The following TSPOAP1 variants were observed in gnomAD, a reference collection of about 807,000 sequenced individuals.
TSPOAP1 encodes TSPO associated protein 1.
A neutral mutation model predicts 197.0 loss-of-function variants in TSPOAP1; 87 were observed. The ratio of observed to expected loss-of-function variants is 0.44; its 90% CI spans 0.37 to 0.53. The LOEUF is 0.53. TSPOAP1 is among the 20% of genes least tolerant of loss of function. TSPOAP1 has a pLI of 0.00. For synonymous variants in TSPOAP1, 913 were observed against 998.9 expected (o/e 0.91, Z 1.62); for missense variants, 2,174 against 2,411.3 (o/e 0.90, Z 2.06).
Position 58,308,569 on chromosome 17 carries a change from G to A in TSPOAP1, c.4703C>T (p.Thr1568Met), listed in dbSNP as rs139965787. 2.1e-4 allele frequency: 326 copies of A among 1,553,312 alleles called. No individual in the cohort carries two copies. The highest frequency in any genetic ancestry group is 5.5e-4 in the Middle Eastern group (3 of 5,418). ...GEPERRGRSA[T>M]GRAKEPLSRA... Reference sequence around the variant, plus strand: ...GGAGAGTGGCTCCTTGGCTCTGCCCGTCGCACTGCGGCCTCTCCGCTCTGG... The same window carrying A: ...GGAGAGTGGCTCCTTGGCTCTGCCCATCGCACTGCGGCCTCTCCGCTCTGG... The change falls in exon 22 of 32, where the codon ACG becomes ATG. Residue 1568 changes from threonine to methionine, a missense_variant. Physicochemically the swap from Thr to Met is moderately conservative, Grantham distance 81. Around this residue, in one of 5 missense-constraint regions of TSPOAP1, gnomAD observed 1,933 missense variants for 2,139.0 expected, o/e 0.90. Coordinates refer to ENST00000343736, the MANE Select transcript of TSPOAP1 (RefSeq NM_004758.4).
rs1971536462 is a variant in TSPOAP1 at position 58,325,095 on chromosome 17, G to A, written c.751-93C>T. 2.6e-6 allele frequency: 3 copies of A among 1,163,690 alleles called. No homozygotes were observed. In the African/African-American group the frequency reaches 4.7e-5, roughly 18 times the overall value. The allele number at this position is 1,163,690 out of a possible 1,614,324, so 72.1% of individuals were successfully genotyped here. A position where few individuals can be genotyped will look rare whatever the true frequency, so the allele number is the denominator to read the frequency against. ...TGCAGAGCCCTTCGCCTTGCTGGAG[G>A]GGCTCCGATGCGCGAGACTGTGCAC... On this transcript the variant is annotated intron_variant, in intron 4 of 31. Coordinates refer to ENST00000343736, the MANE Select transcript of TSPOAP1 (RefSeq NM_004758.4).
Position 58,312,303 on chromosome 17 carries a change from G to A in TSPOAP1, c.2518C>T (p.Pro840Ser). ...AGGTTCTCCAGCACGGCCTTGGGTG[G>A]CGCCCCAGGCCCCAGGGCCTGTCGC... ...ELRQALGPGA[P>S]PKAVLENLDL... The change falls in exon 17 of 32, where the codon CCA becomes TCA. Residue 840 changes from proline to serine, a missense_variant. Physicochemically the swap from Pro to Ser is moderately conservative, Grantham distance 74. Around this residue, in one of 5 missense-constraint regions of TSPOAP1, gnomAD observed 1,933 missense variants for 2,139.0 expected, o/e 0.90. Transcript: ENST00000343736. The A allele has an allele frequency of 6.2e-7, 1 of 1,612,752 alleles. No homozygotes were observed.
intron 25 of TSPOAP1, 172 bp downstream of exon 25, chr17:58,306,628 G>A (rs571591209): frequency 1.0e-4 from 96 of 963,714 alleles, no homozygotes; most frequent in African/African-American, 1.5e-4. Flanking sequence ...CCCACTCCAC[G>A]CGGCCAGCCC....
intron 4 of TSPOAP1, 117 bp from the exon 5 acceptor site, chr17:58,325,119 A>C (rs1049959784): frequency 2.2e-6 from 2 of 903,706 alleles, no homozygotes; most frequent in African/African-American, 3.4e-5. Flanking sequence ...GAGACTGTGC[A>C]CACCCTCCCA....
rs1470309902 is a variant in TSPOAP1 at position 58,310,689 on chromosome 17, C to T, written c.3522G>A (p.Leu1174=). ...CTGCGGGGCCAGGGTCCTTCTCACC[C>T]AGGGTAGATGTGCTGGCTGTCCTCT... ...SEERTASTST[L]GEKDPGPAAP... is the part of the protein sequence containing the mutation. Residue 1174 remains leucine (L), a synonymous_variant, in exon 20 of 32, where the codon CTG becomes CTA. Transcript: ENST00000343736. The T allele has an allele frequency of 6.2e-7, 1 of 1,612,722 alleles. No homozygotes were observed. Among genetic ancestry groups the T allele is most frequent in the East Asian group, 2.2e-5 (1 of 44,878 alleles).
At position 58,324,076 on chromosome 17, in the gene TSPOAP1, G is replaced by T. The variant is rs762943942; in HGVS notation, c.943-531C>A. ...CCTTCCGATTATCCGTGCAAACTTT[G>T]GGGGAGGACAGGTCTTGATGGGAGG... On this transcript the variant is annotated intron_variant, in intron 5 of 31. Coordinates refer to ENST00000343736, the MANE Select transcript of TSPOAP1 (RefSeq NM_004758.4). The surrounding 1 kb of genome is among the most constrained non-coding windows in gnomAD (Gnocchi z 5.8). Among the ~76,000 whole-genome samples the T allele has an allele frequency of 1.3e-5, 2 of 152,168 alleles. No individual in the cohort carries two copies. Among genetic ancestry groups the T allele is most frequent in the Admixed American group, 6.5e-5 (1 of 15,284 alleles).
rs1192006357 is a variant in TSPOAP1 at position 58,304,377 on chromosome 17, T to C, written c.5567A>G (p.Gln1856Arg). 3.1e-6 allele frequency: 5 copies of C among 1,613,718 alleles called. No individual in the cohort carries two copies. The highest frequency in any genetic ancestry group is 3.4e-6 in the Non-Finnish European group (4 of 1,179,804). Residue 1856 changes from glutamine (Q) to arginine (R), a missense_variant, in exon 31 of 32, where the codon CAG becomes CGG. Physicochemically the swap from Gln to Arg is conservative, Grantham distance 43 (BLOSUM62 1). Around this residue, in one of 5 missense-constraint regions of TSPOAP1, gnomAD observed 60 missense variants for 56.2 expected, o/e 1.07. Coordinates refer to ENST00000343736, the MANE Select transcript of TSPOAP1 (RefSeq NM_004758.4). This position sits in a 1 kb window ranked among gnomAD's most constrained non-coding sequence, Gnocchi z 4.2. Reference sequence around the variant, plus strand: ...ACATATATCTATCTCCATCTAGCACTGGACTCTTCTCCTCCTCGTTCTCTG... The same window carrying C: ...ACATATATCTATCTCCATCTAGCACCGGACTCTTCTCCTCCTCGTTCTCTG... ...ESQRTRRRRV[Q>R]C is the part of the protein sequence containing the mutation.
rs1424009078 is a variant in TSPOAP1 at position 58,325,529 on chromosome 17, C to G, written c.750+5G>C. ...CTGGAAGAGGTGACCAGGGCCTCCT[C>G]GCACCTTGCCCACCAGAGTGAGCCT... On this transcript the variant is annotated splice_donor_5th_base_variant and intron_variant, in intron 4 of 31. Coordinates refer to ENST00000343736, the MANE Select transcript of TSPOAP1 (RefSeq NM_004758.4). 1 of 1,611,916 alleles carries G rather than the reference C, an allele frequency of 6.2e-7. No homozygotes were observed. Among genetic ancestry groups the G allele is most frequent in the Admixed American group, 1.7e-5 (1 of 60,020 alleles).
chr17:58,307,616 G>A lies in TSPOAP1; in HGVS notation c.4978C>T (p.Leu1660=), dbSNP rs1311039079. Residue 1660 remains leucine (L), a synonymous_variant, in exon 24 of 32, where the codon CTG becomes TTG. Transcript: ENST00000343736. ...EELPFREGQI[L]KVFGDKDADG... is the part of the protein sequence containing the mutation. Reference sequence around the variant, plus strand: ...CCTGATGGCGAATCAGTCACCTTCAGGATCTGACCCTCTCGGAAGGGAAGC... The same window carrying A: ...CCTGATGGCGAATCAGTCACCTTCAAGATCTGACCCTCTCGGAAGGGAAGC... 7 of 1,613,706 alleles carry A rather than the reference G, an allele frequency of 4.3e-6. No homozygotes were observed. In the African/African-American group the frequency reaches 9.3e-5, roughly 22 times the overall value.
chr17:58,302,613 C>T, intron 31 of TSPOAP1, 166 bp from the exon 32 acceptor site: 1 of 332,762 alleles, frequency 3.0e-6, no homozygotes, highest in African/African-American at 2.3e-5. Context: ...ACACACAGCA[C>T]AGGTGGTGAA....
At position 58,304,399 on chromosome 17, in the gene TSPOAP1, T is replaced by G; in HGVS notation, c.5545A>C (p.Arg1849=). ...EPRTPQAESQ[R]TRRRRVQC The stretch of plus-strand genomic sequence containing the variant: ...CACTGGACTCTTCTCCTCCTCGTTC[T>G]CTGAGGACAGGGAACAAAGAGAGGA... Residue 1849 remains arginine (R), a splice_region_variant and synonymous_variant, in exon 31 of 32, where the codon AGA becomes CGA. Transcript: ENST00000343736. The surrounding 1 kb of genome is among the most constrained non-coding windows in gnomAD (Gnocchi z 4.2). 1 of 1,613,238 alleles carries G rather than the reference T, an allele frequency of 6.2e-7. No individual in the cohort carries two copies. Among genetic ancestry groups the G allele is most frequent in the Non-Finnish European group, 8.5e-7 (1 of 1,179,176 alleles).
At chr17:58,315,150 G>A (rs77867263) in intron 16 of TSPOAP1, among the ~76,000 whole-genome samples, 11,176 of 152,124 alleles carry the variant, frequency 0.073, 484 homozygotes, top group Middle Eastern at 0.11. Context: ...ACCCCTGTAG[G>A]GAGTTTAACT....
intron 13 of TSPOAP1, among the ~76,000 whole-genome samples, chr17:58,318,889 C>T (rs998234074): frequency 2.0e-5 from 3 of 152,184 alleles, no homozygotes; most frequent in Admixed American, 6.5e-5. Flanking sequence ...CAGTGGCCCA[C>T]GATGCCTGGG....
chr17:58,320,173 G>A (rs891321740), intron 11 of TSPOAP1, 44 bp from the exon 12 acceptor site: 3 of 1,613,244 alleles, frequency 1.9e-6, no homozygotes, highest in Non-Finnish European at 2.5e-6. Context: ...AACCCTGAGC[G>A]CTGTGGGTTG....
intron 12 of TSPOAP1, among the ~76,000 whole-genome samples, 191 bp from the exon 13 acceptor site, chr17:58,319,485 G>A (rs753456842): frequency 1.3e-5 from 2 of 152,182 alleles, no homozygotes; most frequent in African/African-American, 4.8e-5. Flanking sequence ...GTCCTGGGCT[G>A]TGTCCTGGGA....
intron 22 of TSPOAP1, 61 bp from the exon 23 acceptor site, chr17:58,308,002 T>TC: frequency 4.1e-6 from 6 of 1,463,564 alleles, no homozygotes; most frequent in Non-Finnish European, 5.6e-6. Flanking sequence ...GGGCTCGTGC[T>TC]CCCCCAGCTC....
chr17:58,302,496 A>AC (rs1231706714), intron 31 of TSPOAP1, 49 bp from the exon 32 acceptor site: 1 of 1,162,198 alleles, frequency 8.6e-7, no homozygotes. Context: ...TTCCCTCCTG[A>AC]CCCCCTGACC....
At position 58,304,894 on chromosome 17, in the gene TSPOAP1, C is replaced by T; in HGVS notation, c.5544+167G>A. On this transcript the variant is annotated intron_variant, in intron 30 of 31. Coordinates refer to ENST00000343736, the MANE Select transcript of TSPOAP1 (RefSeq NM_004758.4). The surrounding 1 kb of genome is among the most constrained non-coding windows in gnomAD (Gnocchi z 4.2). Reference sequence around the variant, plus strand: ...AGGGGCACATACTGGGGGGCAGCTGCTTGGTGGGGCTCCCCTCTGGTGGTC... The same window carrying T: ...AGGGGCACATACTGGGGGGCAGCTGTTTGGTGGGGCTCCCCTCTGGTGGTC... 1 of 704,336 alleles carries T rather than the reference C, an allele frequency of 1.4e-6. No individual in the cohort carries two copies. The highest frequency in any genetic ancestry group is 1.7e-5 in the African/African-American group (1 of 57,338). 43.6% of individuals were successfully genotyped at this position (704,336 alleles called of 1,614,324 possible).
At chr17:58,316,274 C>G in intron 15 of TSPOAP1, 142 bp from the exon 16 acceptor site, 2 of 1,053,520 alleles carry the variant, frequency 1.9e-6, no homozygotes, top group Non-Finnish European at 2.9e-6. Flanking sequence ...GCCCTCACTG[C>G]ACCCACCTTG....
Sources: gnomAD v4.1 joint callset for allele counts (sites outside exome capture counted in the v4.1 genomes callset) on GRCh38, gnomAD v4.1.1 for gene constraint, gnomAD v4.1.1 regional missense constraint, Gnocchi (gnomAD v3.1) non-coding constraint, MANE v1.5 for transcripts, NCBI Gene and HGNC (gene_info 2026-07-23, HGNC 2026-07-21) for gene names.